The following GAN variants were observed in gnomAD, a reference collection of about 807,000 sequenced individuals.
GAN encodes gigaxonin, also known as epididymis secretory sperm binding protein.
In GAN, 48 loss-of-function variants were observed where a neutral mutation model predicts 71.3. The ratio of observed to expected loss-of-function variants is 0.67; its 90% CI spans 0.53 to 0.86. The LOEUF is 0.86. Ranked by LOEUF, GAN falls within the 40% of genes least tolerant of loss-of-function variation. The pLI is 0.00. For synonymous variants in GAN, 386 were observed against 276.8 expected, an observed-to-expected ratio of 1.39 and a Z score of -3.92; for missense variants, 928 against 770.1, an observed-to-expected ratio of 1.21 and a Z score of -2.43.
chr16:81,354,760 C>G lies in GAN; in HGVS notation c.633+5C>G. 6.6e-7 allele frequency: 1 copy of G among 1,510,208 alleles called. No individual in the cohort carries two copies. The highest frequency in any genetic ancestry group is 2.3e-5 in the East Asian group (1 of 44,384). 93.6% of individuals were successfully genotyped at this position (1,510,208 alleles called of 1,614,324 possible). On this transcript the variant is annotated splice_donor_5th_base_variant and intron_variant, in intron 3 of 10. Transcript: ENST00000648994. ...CATGATACAGAAATAAGAAAGGTAC[C>G]TGTCATTTATAACATGGTCAAATTT...
Position 81,380,437 on chromosome 16 carries a change from T to A in GAN, c.*2841T>A, listed in dbSNP as rs1484233473. ...TGCAGTCTAAAATAGGTAGTTTGTT[T>A]CTTTGTTTAGCATATCCAAATTTAG... On this transcript the variant is annotated 3_prime_UTR_variant, in exon 11 of 11. Coordinates refer to ENST00000648994, the MANE Select transcript of GAN (RefSeq NM_022041.4). 6.6e-6 allele frequency: 1 copy of A among 152,600 alleles called. No homozygotes were observed. The highest frequency in any genetic ancestry group is 2.4e-5 in the African/African-American group (1 of 41,472). The allele number at this position is 152,600 out of a possible 1,614,324, so 9.5% of individuals were successfully genotyped here.
Position 81,386,562 on chromosome 16 carries a change from A to G in GAN, c.*8966A>G, listed in dbSNP as rs571782145. On this transcript the variant is annotated 3_prime_UTR_variant, in exon 11 of 11. Transcript: ENST00000648994. ...CTTCTTTTCCTGGTTAGGTTATGAG[A>G]CTGGCAGAGGTAGGAGTATATAATG... 2 of 152,348 alleles carry G rather than the reference A, an allele frequency of 1.3e-5. No homozygotes were observed. The highest frequency in any genetic ancestry group is 1.5e-5 in the Non-Finnish European group (1 of 68,030). The allele number at this position is 152,348 out of a possible 1,614,324, so 9.4% of individuals were successfully genotyped here.
At chr16:81,334,349 T>A (rs893777354) in intron 1 of GAN, among the ~76,000 whole-genome samples, 1 of 152,166 alleles carries the variant, frequency 6.6e-6, no homozygotes, top group Non-Finnish European at 1.5e-5. Flanking sequence ...TGGGTCTCCG[T>A]CACCTTCATT....
In GAN at chr16:81,365,998, CAT is replaced by C. The variant is rs145412359; in HGVS notation, c.1502+521_1502+522del. 1.6e-3 allele frequency among the ~76,000 whole-genome samples: 243 copies of C among 152,336 alleles called. 3 individuals are homozygous for C. Among genetic ancestry groups the C allele is most frequent in the African/African-American group, 5.6e-3 (231 of 41,574 alleles). On this transcript the variant is annotated intron_variant, in intron 9 of 10. Coordinates refer to ENST00000648994, the MANE Select transcript of GAN (RefSeq NM_022041.4). ...ATACCGAGCCACTTTCCCCTGCAAA[CAT>C]GTGTGGTTGTCTCAGCTCTGTTCGT...
chr16:81,332,682 G>C (rs1200714339), intron 1 of GAN, among the ~76,000 whole-genome samples: 1 of 152,194 alleles, frequency 6.6e-6, no homozygotes. Context: ...TTAGTCTCCA[G>C]TGTGTGGTGG....
intron 1 of GAN, among the ~76,000 whole-genome samples, chr16:81,324,509 A>C (rs1251859984): frequency 6.6e-6 from 1 of 152,036 alleles, no homozygotes; most frequent in Admixed American, 6.5e-5. Context: ...CCTCTCTGGG[A>C]ACAGAACACC....
chr16:81,334,613 C>A (rs532767951), intron 1 of GAN, among the ~76,000 whole-genome samples: 2 of 152,300 alleles, frequency 1.3e-5, no homozygotes, highest in South Asian at 4.1e-4. Flanking sequence ...AATAGTGGAA[C>A]TGTGGATAGT....
chr16:81,384,107 C>T lies in GAN; in HGVS notation c.*6511C>T, dbSNP rs982741328. On this transcript the variant is annotated 3_prime_UTR_variant, in exon 11 of 11. Transcript: ENST00000648994. ...TGTTTAATTGGATGAGAATTACATGCACTTATTCAGTTGTTCTTTGTGTTT... is the reference window on the plus strand; with the variant it reads ...TGTTTAATTGGATGAGAATTACATGTACTTATTCAGTTGTTCTTTGTGTTT... 2 of 151,964 alleles carry T rather than the reference C, an allele frequency of 1.3e-5. No individual in the cohort carries two copies. Among genetic ancestry groups the T allele is most frequent in the African/African-American group, 4.8e-5 (2 of 41,366 alleles). 9.4% of individuals were successfully genotyped at this position (151,964 alleles called of 1,614,324 possible).
intron 1 of GAN, among the ~76,000 whole-genome samples, chr16:81,347,030 A>C (rs1567488243): frequency 6.6e-6 from 1 of 152,244 alleles, no homozygotes; most frequent in Non-Finnish European, 1.5e-5. Context: ...TGAGAAATAC[A>C]AATAGTCATG....
rs1432709124 is a variant in GAN at position 81,376,462 on chromosome 16, CATAT to C, written c.1503-756_1503-753del. ...TGGCAATATCCCATCTTTATACATACATATGTGTGTGTGTGTGTGTGTGTGTGTG... is the reference window on the plus strand; with the variant it reads ...TGGCAATATCCCATCTTTATACATACGTGTGTGTGTGTGTGTGTGTGTGTG... On this transcript the variant is annotated intron_variant, in intron 9 of 10. Transcript: ENST00000648994. 1.2e-3 allele frequency among the ~76,000 whole-genome samples: 114 copies of C among 93,828 alleles called. No individual in the cohort carries two copies. The East Asian group carries it at 0.013, about 10-fold the overall frequency. The allele number at this position is 93,828 out of a possible 152,430, so 61.6% of individuals were successfully genotyped here.
At chr16:81,359,965 C>T (rs1008258437) in intron 5 of GAN, among the ~76,000 whole-genome samples, 7 of 152,084 alleles carry the variant, frequency 4.6e-5, no homozygotes, top group African/African-American at 1.7e-4. Context: ...ACCAAAACTT[C>T]AGATAAGGGG....
chr16:81,326,412 A>G (rs1909390021), intron 1 of GAN, among the ~76,000 whole-genome samples: 1 of 151,670 alleles, frequency 6.6e-6, no homozygotes, highest in Non-Finnish European at 1.5e-5. Context: ...ACATGCCTGT[A>G]ATCCCAGCTA....
intron 1 of GAN, among the ~76,000 whole-genome samples, chr16:81,326,024 A>G (rs1267748605): frequency 1.3e-5 from 2 of 152,038 alleles, no homozygotes; most frequent in South Asian, 2.1e-4. Context: ...CCTCTGTAAG[A>G]TTTTTCCAAC....
rs946668982 is a variant in GAN at position 81,345,085 on chromosome 16, A to G, written c.168-6498A>G. Among the ~76,000 whole-genome samples, 9 of 152,344 alleles carry G rather than the reference A, an allele frequency of 5.9e-5. 1 individual carries two copies. In the East Asian group the frequency reaches 1.5e-3, roughly 26 times the overall value. ...CACACCAGTTAGAACGGCGATCATT[A>G]AAAAGTCAGGAAAAAACCGATGCTG... On this transcript the variant is annotated intron_variant, in intron 1 of 10. Transcript: ENST00000648994.
At position 81,377,668 on chromosome 16, in the gene GAN, G is replaced by C; in HGVS notation, c.*72G>C. 1 of 1,332,368 alleles carries C rather than the reference G, an allele frequency of 7.5e-7. No individual in the cohort carries two copies. The highest frequency in any genetic ancestry group is 1.1e-6 in the Non-Finnish European group (1 of 924,622). 82.5% of individuals were successfully genotyped at this position (1,332,368 alleles called of 1,614,324 possible). Reference sequence around the variant, plus strand: ...ACATAGCTCCGAAAGGGAGAGCAGAGATGGCAGCTGAAACTCACTCTGTGC... The same window carrying C: ...ACATAGCTCCGAAAGGGAGAGCAGACATGGCAGCTGAAACTCACTCTGTGC... On this transcript the variant is annotated 3_prime_UTR_variant, in exon 11 of 11. Transcript: ENST00000648994.
intron 9 of GAN, among the ~76,000 whole-genome samples, chr16:81,366,728 C>G (rs755640819): frequency 1.3e-5 from 2 of 152,104 alleles, no homozygotes; most frequent in African/African-American, 2.4e-5. Context: ...TTAGAGAATA[C>G]TTGCTGTGGT....
intron 1 of GAN, among the ~76,000 whole-genome samples, chr16:81,326,642 G>A (rs1290333200): frequency 1.3e-5 from 2 of 152,162 alleles, no homozygotes; most frequent in Non-Finnish European, 2.9e-5. Context: ...GTCATTGTTC[G>A]AATATCACAG....
rs151030178 is a variant in GAN at position 81,341,657 on chromosome 16, C to T, written c.168-9926C>T. On this transcript the variant is annotated intron_variant, in intron 1 of 10. Coordinates refer to ENST00000648994, the MANE Select transcript of GAN (RefSeq NM_022041.4). ...AGCACTAAACATGGATAGGAACAAC[C>T]GGTACCAGCCACTGTAAAAACATGC... is the stretch of plus-strand genomic sequence containing the variant. Among the ~76,000 whole-genome samples, 727 of 152,270 alleles carry T rather than the reference C, an allele frequency of 4.8e-3. 13 individuals are homozygous for T. The highest frequency in any genetic ancestry group is 0.042 in the East Asian group (217 of 5,184).
In GAN at chr16:81,377,262, T is replaced by C; in HGVS notation, c.1546T>C (p.Ser516Pro). The C allele has an allele frequency of 6.2e-7, 1 of 1,612,520 alleles. No homozygotes were observed. The highest frequency in any genetic ancestry group is 8.5e-7 in the Non-Finnish European group (1 of 1,178,486). The change falls in exon 10 of 11, where the codon TCC becomes CCC. Residue 516 changes from serine (S) to proline (P), a missense_variant. Physicochemically the swap from Ser to Pro is moderately conservative, Grantham distance 74 (BLOSUM62 -1). Coordinates refer to ENST00000648994, the MANE Select transcript of GAN (RefSeq NM_022041.4). Reference sequence around the variant, plus strand: ...CCAGAATTTATGCATCCCCGCCAGTTCCTCTTTTGTTTATGGAGCTGTACC... The same window carrying C: ...CCAGAATTTATGCATCCCCGCCAGTCCCTCTTTTGTTTATGGAGCTGTACC... ...NDQNLCIPAS[S>P]SFVYGAVPIG... is the part of the protein sequence containing the mutation.
Sources: allele counts gnomAD v4.1 joint callset (sites outside exome capture counted in the v4.1 genomes callset), GRCh38; gene constraint gnomAD v4.1.1; transcripts MANE v1.5; gene names NCBI Gene and HGNC (gene_info 2026-07-23, HGNC 2026-07-21).